Variants in CSAG1 observed in about 807,000 individuals in gnomAD.
CSAG1 encodes chondrosarcoma-associated gene 1 protein.
A neutral mutation model predicts 4.8 loss-of-function variants in CSAG1; 4 were observed. That is an observed-to-expected ratio of 0.83 (90% confidence interval 0.41 to 1.90). The LOEUF is 1.90. Ranked by LOEUF, CSAG1 falls within the 40% of genes most tolerant of loss-of-function variation. CSAG1 has a pLI of 0.03. For missense variants in CSAG1, 69 were observed against 59.5 expected, an observed-to-expected ratio of 1.16 and a Z score of -0.53; for synonymous variants, 21 against 23.1, an observed-to-expected ratio of 0.91 and a Z score of 0.26.
intron 1 of CSAG1, 146 bp from the exon 2 acceptor site, chrX:152,732,650 G>C: frequency 1.9e-5 from 13 of 699,180 alleles, no homozygotes; most frequent in Non-Finnish European, 2.2e-6. Context: ...CGGTTAGAGG[G>C]GGTTAGCGGC....
chrX:152,729,992 T>TTTTATATATATATATATATATATATA (rs1204435801), intron 2 of CSAG1, among the ~76,000 whole-genome samples: 1 of 64,635 alleles, frequency 1.5e-5, no homozygotes, highest in Non-Finnish European at 3.1e-5. Flanking sequence ...GGTGAATGGA[T>TTTTATATATATATATATATATATATA]TATATATATA....
intron 2 of CSAG1, among the ~76,000 whole-genome samples, chrX:152,728,681 T>C (rs1334970537): frequency 8.9e-6 from 1 of 112,385 alleles, no homozygotes; most frequent in Non-Finnish European, 1.9e-5. Context: ...TTCACAGTTT[T>C]GAAGTCTGGA....
chrX:152,727,626 G>C lies in CSAG1; in HGVS notation c.*168C>G. On this transcript the variant is annotated 3_prime_UTR_variant, in exon 4 of 4. Coordinates refer to ENST00000452779, the MANE Select transcript of CSAG1 (RefSeq NM_001102576.3). The stretch of plus-strand genomic sequence containing the variant: ...AGATAGACTTGAAGTCTCTGGCCTT[G>C]CCTGGGAATTACTGGCTGCCCAAGG... 2 of 608,506 alleles carry C rather than the reference G, an allele frequency of 3.3e-6. No individual in the cohort carries two copies. Among genetic ancestry groups the C allele is most frequent in the Non-Finnish European group, 5.4e-6 (2 of 368,215 alleles). The allele number at this position is 608,506 out of a possible 1,213,427, so 50.1% of individuals were successfully genotyped here. A position where few individuals can be genotyped will look rare whatever the true frequency, so the allele number is the denominator to read the frequency against.
Position 152,732,436 on chromosome X carries a change from G to A in CSAG1, c.16+9C>T. The A allele has an allele frequency of 8.3e-7, 1 of 1,204,026 alleles. No individual in the cohort carries two copies. Among genetic ancestry groups the A allele is most frequent in the Non-Finnish European group, 1.1e-6 (1 of 892,773 alleles). On this transcript the variant is annotated intron_variant, in intron 2 of 3. Transcript: ENST00000452779. ...CTCAGCTTAAATTATTTACAATTTA[G>A]TGCCTTACCTGTAGTCGCCGACATT... is the stretch of plus-strand genomic sequence containing the variant.
intron 2 of CSAG1, among the ~76,000 whole-genome samples, chrX:152,730,485 T>C (rs1435825650): frequency 1.8e-5 from 2 of 111,522 alleles, no homozygotes; most frequent in South Asian, 3.9e-4. Flanking sequence ...TTTTATAAAA[T>C]AGTCCCCACA....
intron 2 of CSAG1, among the ~76,000 whole-genome samples, chrX:152,729,880 T>A (rs1488549114): frequency 9.2e-6 from 1 of 109,168 alleles, no homozygotes; most frequent in Non-Finnish European, 1.9e-5. Context: ...TTTACCCAAT[T>A]GATTTGAAAA....
Position 152,728,323 on chromosome X carries a change from T to C in CSAG1, c.17-99A>G, listed in dbSNP as rs782748544. The C allele has an allele frequency of 9.3e-5, 76 of 820,872 alleles. No homozygotes were observed. In the East Asian group the frequency reaches 2.1e-3, roughly 23 times the overall value. The allele number at this position is 820,872 out of a possible 1,213,427, so 67.6% of individuals were successfully genotyped here. A position where few individuals can be genotyped will look rare whatever the true frequency, so the allele number is the denominator to read the frequency against. On this transcript the variant is annotated intron_variant, in intron 2 of 3. Transcript: ENST00000452779. ...CACCTTCAACTAATTGGATGAGGCC[T>C]ATCCACATTATGGAAGTTAAATTGC...
intron 2 of CSAG1, among the ~76,000 whole-genome samples, chrX:152,728,618 G>C (rs1328551467): frequency 2.7e-5 from 3 of 112,345 alleles, no homozygotes; most frequent in African/African-American, 6.5e-5. Context: ...GCTCAGGCTA[G>C]AATAACAAAA....
At chrX:152,730,347 A>G (rs1285085752) in intron 2 of CSAG1, among the ~76,000 whole-genome samples, 2 of 112,184 alleles carry the variant, frequency 1.8e-5, no homozygotes, top group African/African-American at 6.4e-5. Flanking sequence ...GCTTGCTTTC[A>G]TCTGAATATT....
At chrX:152,733,277 T>C (rs1410178379) in intron 1 of CSAG1, 1 of 112,145 alleles carries the variant, frequency 8.9e-6, no homozygotes, top group East Asian at 2.8e-4. Context: ...GAGTATCTCC[T>C]GCCAATCACT....
At position 152,727,804 on chromosome X, in the gene CSAG1, C is replaced by T; in HGVS notation, c.227G>A (p.Gly76Asp). The change falls in exon 4 of 4, where the codon GGC (glycine) becomes GAC (aspartate). Residue 76 changes from glycine (G) to aspartate (D), a missense_variant. Gly to Asp is a moderately conservative substitution (Grantham distance 94). Transcript: ENST00000452779. ...GPVKEVPGTKGSP is the reference protein window; with the variant it reads ...GPVKEVPGTKDSP ...TGAAGCGGTGGTCTTTTAGGGAGAG[C>T]CTTTTGTTCCTGGAACTTCCTTGAC... 8.3e-7 allele frequency: 1 copy of T among 1,210,523 alleles called. No homozygotes were observed. Among genetic ancestry groups the T allele is most frequent in the East Asian group, 3.0e-5 (1 of 33,840 alleles).
intron 2 of CSAG1, among the ~76,000 whole-genome samples, chrX:152,729,867 C>G (rs1441298204): frequency 9.1e-6 from 1 of 109,527 alleles, no homozygotes; most frequent in Non-Finnish European, 1.9e-5. Flanking sequence ...CATACTCAAT[C>G]AATTTACCCA....
At position 152,727,784 on chromosome X, in the gene CSAG1, C is replaced by T. The variant is rs782235769; in HGVS notation, c.*10G>A. 2.6e-5 allele frequency: 31 copies of T among 1,207,457 alleles called. No homozygotes were observed. The highest frequency in any genetic ancestry group is 1.1e-4 in the South Asian group (6 of 56,672). ...CTCCATTCCTCAGGTTTTTTTGAAGCGGTGGTCTTTTAGGGAGAGCCTTTT... is the reference window on the plus strand; with the variant it reads ...CTCCATTCCTCAGGTTTTTTTGAAGTGGTGGTCTTTTAGGGAGAGCCTTTT... On this transcript the variant is annotated 3_prime_UTR_variant, in exon 4 of 4. Coordinates refer to ENST00000452779, the MANE Select transcript of CSAG1 (RefSeq NM_001102576.3).
At position 152,732,349 on chromosome X, in the gene CSAG1, G is replaced by C. The variant is rs1325057846; in HGVS notation, c.16+96C>G. On this transcript the variant is annotated intron_variant, in intron 2 of 3. Coordinates refer to ENST00000452779, the MANE Select transcript of CSAG1 (RefSeq NM_001102576.3). ...TGACATATTCAGGAAAAAATAGCTT[G>C]ACATACATAGAGGAGTATAACATAT... The C allele has an allele frequency of 4.1e-5, 43 of 1,052,980 alleles. No homozygotes were observed. In the Admixed American group the frequency reaches 1.6e-3, roughly 38 times the overall value. The allele number at this position is 1,052,980 out of a possible 1,213,427, so 86.8% of individuals were successfully genotyped here. A position where few individuals can be genotyped will look rare whatever the true frequency, so the allele number is the denominator to read the frequency against.
chrX:152,731,536 T>C (rs1235938591), intron 2 of CSAG1, among the ~76,000 whole-genome samples: 1 of 111,518 alleles, frequency 9.0e-6, no homozygotes, highest in Non-Finnish European at 1.9e-5. Flanking sequence ...AGATTGACAA[T>C]TGTTCAGTTC....
chrX:152,731,014 G>A (rs1198322541), intron 2 of CSAG1, among the ~76,000 whole-genome samples: 1 of 112,495 alleles, frequency 8.9e-6, no homozygotes, highest in Non-Finnish European at 1.9e-5. Flanking sequence ...AGATATCAAT[G>A]CTATTGGGTT....
At chrX:152,730,055 A>C (rs1932125055) in intron 2 of CSAG1, among the ~76,000 whole-genome samples, 1 of 92,201 alleles carries the variant, frequency 1.1e-5, no homozygotes, top group Non-Finnish European at 2.3e-5. Context: ...ACACCCAATG[A>C]TACTACTACT....
rs1421514822 is a variant in CSAG1 at position 152,730,188 on chromosome X, A to T, written c.17-1964T>A. ...AACGAGTCTAAAAAGGCTACATAGTATACGAGTCTATTTATATGACATTCA... is the reference window on the plus strand; with the variant it reads ...AACGAGTCTAAAAAGGCTACATAGTTTACGAGTCTATTTATATGACATTCA... On this transcript the variant is annotated intron_variant, in intron 2 of 3. Transcript: ENST00000452779. Among the ~76,000 whole-genome samples the T allele has an allele frequency of 4.5e-5, 5 of 109,928 alleles. No individual in the cohort carries two copies. In the Admixed American group the frequency reaches 4.8e-4, roughly 11 times the overall value.
rs2124961933 is a variant in CSAG1 at position 152,727,594 on chromosome X, A to G, written c.*200T>C. 3 of 503,425 alleles carry G rather than the reference A, an allele frequency of 6.0e-6. No individual in the cohort carries two copies. The South Asian group carries it at 9.3e-5, about 16-fold the overall frequency. The allele number at this position is 503,425 out of a possible 1,213,427, so 41.5% of individuals were successfully genotyped here. ...TTTATCTGGGGTTAGACTTCTGGAG[A>G]CTTTTCAGATAGACTTGAAGTCTCT... is the stretch of plus-strand genomic sequence containing the variant. On this transcript the variant is annotated 3_prime_UTR_variant, in exon 4 of 4. Transcript: ENST00000452779.
Sources: allele counts gnomAD v4.1 joint callset (sites outside exome capture counted in the v4.1 genomes callset), GRCh38; gene constraint gnomAD v4.1.1; transcripts MANE v1.5; gene names NCBI Gene and HGNC (gene_info 2026-07-23, HGNC 2026-07-21).